The following TRIM34 variants were observed in gnomAD, a reference collection of about 807,000 sequenced individuals.
TRIM34 encodes the protein E3 ubiquitin-protein ligase TRIM34.
In TRIM34, 41 loss-of-function variants were observed where a neutral mutation model predicts 38.1. That is an observed-to-expected ratio of 1.08 (90% CI 0.84 to 1.40). The LOEUF is 1.40. Among genes scored for constraint, TRIM34 ranks in the 40% most tolerant of loss-of-function variants. TRIM34 has a pLI of 0.00. For missense variants in TRIM34, 556 were observed against 571.4 expected, an observed-to-expected ratio of 0.97 and a Z score of 0.27; for synonymous variants, 200 against 202.5, an observed-to-expected ratio of 0.99 and a Z score of 0.10.
At chr11:5,637,255 TTC>T (rs1483758171) in intron 4 of TRIM34, among the ~76,000 whole-genome samples, 1 of 152,186 alleles carries the variant, frequency 6.6e-6, no homozygotes, top group Admixed American at 6.5e-5. Flanking sequence ...ACAGCTTTCT[TTC>T]TATATGGATT....
rs376761559 is a variant in TRIM34, at chr11:5,627,380, C to CA, written c.-78+2329dup. Among the ~76,000 whole-genome samples, 8 of 148,526 alleles carry CA rather than the reference C, an allele frequency of 5.4e-5. No individual in the cohort carries two copies. The East Asian group carries it at 9.8e-4, about 18-fold the overall frequency. On this transcript the variant is annotated intron_variant, in intron 1 of 7. Coordinates refer to ENST00000429814, the MANE Select transcript of TRIM34 (RefSeq NM_021616.6). ...GGGTAACAAGAGCAAAACTCCGTCT[C>CA]AAAAAAAAAGGAAGGGCAATGATAG...
chr11:5,642,547 G>A lies in TRIM34; in HGVS notation c.874+41G>A, dbSNP rs1049741589. On this transcript the variant is annotated intron_variant, in intron 6 of 7. Coordinates refer to ENST00000429814, the MANE Select transcript of TRIM34 (RefSeq NM_021616.6). ...CAAAGACTGTGGATGTGGGATTGTT[G>A]TGGTGTCAGGTAATAAACTGTCTAG... 2.5e-6 allele frequency: 4 copies of A among 1,605,298 alleles called. No homozygotes were observed. The East Asian group carries it at 6.7e-5, about 27-fold the overall frequency.
intron 4 of TRIM34, among the ~76,000 whole-genome samples, chr11:5,639,943 T>A (rs962473489): frequency 2.6e-5 from 4 of 152,260 alleles, no homozygotes; most frequent in Non-Finnish European, 5.9e-5. Flanking sequence ...AAATGATGTA[T>A]CCATCACCTC....
Position 5,643,232 on chromosome 11 carries a change from T to G in TRIM34, c.990T>G (p.Pro330=). ...AAGTGATATCTGTGCCAATTTGGCC[T>G]TTTCAGTGTTATAATTATGGTGTCT... ...QRQVISVPIW[P]FQCYNYGVLG... is the part of the protein sequence containing the mutation. The change falls in exon 8 of 8, where the codon CCT becomes CCG. Residue 330 remains proline (P), a synonymous_variant. Transcript: ENST00000429814. 6.2e-7 allele frequency: 1 copy of G among 1,613,784 alleles called. No homozygotes were observed. Among genetic ancestry groups the G allele is most frequent in the Non-Finnish European group, 8.5e-7 (1 of 1,179,886 alleles).
At chr11:5,634,253 A>G (rs1265794623) in intron 3 of TRIM34, among the ~76,000 whole-genome samples, 1 of 152,122 alleles carries the variant, frequency 6.6e-6, no homozygotes, top group Non-Finnish European at 1.5e-5. Context: ...GCAGGCAGTC[A>G]TGAATATCCA....
rs112465112 is a variant in TRIM34, at chr11:5,630,590, A to G, written c.-77-1665A>G. Among the ~76,000 whole-genome samples, 452 of 152,342 alleles carry G rather than the reference A, an allele frequency of 3.0e-3. 2 individuals are homozygous for G. The highest frequency in any genetic ancestry group is 9.9e-3 in the African/African-American group (412 of 41,586). On this transcript the variant is annotated intron_variant, in intron 1 of 7. Coordinates refer to ENST00000429814, the MANE Select transcript of TRIM34 (RefSeq NM_021616.6). Reference sequence around the variant, plus strand: ...CTCCATGAACGGGGCATTCACTTCCATGATTCCTTCTGCCTAAAATATTTG... The same window carrying G: ...CTCCATGAACGGGGCATTCACTTCCGTGATTCCTTCTGCCTAAAATATTTG...
At chr11:5,629,045 G>A (rs181792181) in intron 1 of TRIM34, among the ~76,000 whole-genome samples, 20 of 152,278 alleles carry the variant, frequency 1.3e-4, no homozygotes, top group African/African-American at 4.6e-4. Context: ...GGGAGGCCGA[G>A]ACAGGTGGAT....
chr11:5,636,680 G>A (rs1258564325), intron 4 of TRIM34, among the ~76,000 whole-genome samples: 1 of 152,092 alleles, frequency 6.6e-6, no homozygotes, highest in Non-Finnish European at 1.5e-5. Flanking sequence ...AGTCTTAGTT[G>A]CTATTTGGTC....
chr11:5,641,262 G>C, intron 5 of TRIM34, 73 bp downstream of exon 5: 1 of 1,605,792 alleles, frequency 6.2e-7, no homozygotes, highest in Non-Finnish European at 8.5e-7. Flanking sequence ...GTTATTTGGT[G>C]GTCAATTGGA....
At position 5,642,439 on chromosome 11, in the gene TRIM34, G is replaced by T. The variant is rs62638662; in HGVS notation, c.807G>T (p.Met269Ile). Residue 269 changes from methionine to isoleucine, a missense_variant, in exon 6 of 8, where the codon ATG (methionine) becomes ATT (isoleucine). Met to Ile is a conservative substitution (Grantham distance 10). Coordinates refer to ENST00000429814, the MANE Select transcript of TRIM34 (RefSeq NM_021616.6). ...SEIWRLKKPK[M>I]VSKKLKTVFH... ...TCTGGAGGCTGAAAAAGCCAAAAATGGTTTCCAAGAAACTGAAGACTGTAT... is the reference window on the plus strand; with the variant it reads ...TCTGGAGGCTGAAAAAGCCAAAAATTGTTTCCAAGAAACTGAAGACTGTAT... 3.2e-4 allele frequency: 513 copies of T among 1,613,710 alleles called. 3 individuals are homozygous for T. In the African/African-American group the frequency reaches 6.4e-3, roughly 20 times the overall value.
At chr11:5,634,592 G>A in intron 3 of TRIM34, 39 bp from the exon 4 acceptor site, 1 of 1,576,816 alleles carries the variant, frequency 6.3e-7, no homozygotes, top group Non-Finnish European at 8.6e-7. Flanking sequence ...GCCTTAGCCT[G>A]ACAAACTTAC....
At chr11:5,637,335 A>G (rs1446084917) in intron 4 of TRIM34, among the ~76,000 whole-genome samples, 1 of 152,176 alleles carries the variant, frequency 6.6e-6, no homozygotes, top group Non-Finnish European at 1.5e-5. Flanking sequence ...AGGGACTGAT[A>G]CTCATTTCGT....
Position 5,632,250 on chromosome 11 carries a change from C to T in TRIM34, c.-77-5C>T, listed in dbSNP as rs1359716162. 1 of 1,590,352 alleles carries T rather than the reference C, an allele frequency of 6.3e-7. No homozygotes were observed. The highest frequency in any genetic ancestry group is 8.5e-7 in the Non-Finnish European group (1 of 1,171,338). On this transcript the variant is annotated splice_region_variant and splice_polypyrimidine_tract_variant and intron_variant, in intron 1 of 7. Transcript: ENST00000429814. The stretch of plus-strand genomic sequence containing the variant: ...TCTTATACCATCCCCTTTCAATCTT[C>T]TCAGCCATCCAGGGGTCTTTAACCA...
At chr11:5,628,648 C>T (rs1849346238) in intron 1 of TRIM34, among the ~76,000 whole-genome samples, 1 of 152,196 alleles carries the variant, frequency 6.6e-6, no homozygotes, top group Non-Finnish European at 1.5e-5. Context: ...AGTTGTCACA[C>T]ATCACAGATC....
At chr11:5,634,225 A>G (rs1372511769) in intron 3 of TRIM34, among the ~76,000 whole-genome samples, 1 of 152,070 alleles carries the variant, frequency 6.6e-6, no homozygotes, top group African/African-American at 2.4e-5. Context: ...TCAAGATTCA[A>G]ATTAGGAGTG....
chr11:5,620,993 C>A (rs775740975), upstream of TRIM34, among the ~76,000 whole-genome samples: 1 of 152,176 alleles, frequency 6.6e-6, no homozygotes, highest in Non-Finnish European at 1.5e-5. Context: ...TATTTTTAGT[C>A]CCCATATCTT....
chr11:5,632,264 G>A lies in TRIM34; in HGVS notation c.-68G>A, dbSNP rs1234592569. The A allele has an allele frequency of 6.2e-7, 1 of 1,605,454 alleles. No individual in the cohort carries two copies. The highest frequency in any genetic ancestry group is 8.5e-7 in the Non-Finnish European group (1 of 1,176,714). On this transcript the variant is annotated 5_prime_UTR_variant, in exon 2 of 8. Coordinates refer to ENST00000429814, the MANE Select transcript of TRIM34 (RefSeq NM_021616.6). ...CTTTCAATCTTCTCAGCCATCCAGG[G>A]GTCTTTAACCAGAAGAGAGAGGAGA...
chr11:5,643,477 A>C lies in TRIM34; in HGVS notation c.1235A>C (p.Glu412Ala), dbSNP rs1464472506. ...AATAAATGTAAGTATGGTGTCTTTG[A>C]AGAGTCTTTGTCCTCTGATCCCGAG... is the stretch of plus-strand genomic sequence containing the variant. ...LQNKCKYGVFEESLSSDPEVL... is the reference protein window; with the variant it reads ...LQNKCKYGVFAESLSSDPEVL... The change falls in exon 8 of 8, where the codon GAA becomes GCA. Residue 412 changes from glutamate to alanine, a missense_variant. Glu to Ala is a moderately radical substitution (Grantham distance 107). Coordinates refer to ENST00000429814, the MANE Select transcript of TRIM34 (RefSeq NM_021616.6). 1 of 1,614,206 alleles carries C rather than the reference A, an allele frequency of 6.2e-7. No individual in the cohort carries two copies. Among genetic ancestry groups the C allele is most frequent in the Admixed American group, 1.7e-5 (1 of 60,028 alleles).
At chr11:5,642,631 T>C (rs1389032903) in intron 6 of TRIM34, 125 bp downstream of exon 6, 3 of 1,409,276 alleles carry the variant, frequency 2.1e-6, no homozygotes, top group African/African-American at 1.4e-5. Flanking sequence ...ATAAGGAATA[T>C]TCTGTGGTGA....
Sources: gnomAD v4.1 joint callset for allele counts (sites outside exome capture counted in the v4.1 genomes callset) on GRCh38, gnomAD v4.1.1 for gene constraint, MANE v1.5 for transcripts, NCBI Gene and HGNC (gene_info 2026-07-23, HGNC 2026-07-21) for gene names.